The following RSPO2 variants were observed in gnomAD, a reference collection of about 807,000 sequenced individuals.
The protein encoded by RSPO2 is R-spondin-2.
RSPO2 carries 14 observed loss-of-function variants against 30.9 expected under a neutral mutation model. The observed-to-expected ratio is 0.45, with a 90% CI of 0.30 to 0.71. The LOEUF is 0.71. RSPO2 is among the 30% of genes least tolerant of loss of function. The pLI, the probability that RSPO2 is intolerant of heterozygous loss-of-function variation, is 0.08. For missense variants in RSPO2, 264 were observed against 301.9 expected (o/e 0.87, Z 0.93); for synonymous variants, 107 against 96.4 (o/e 1.11, Z -0.64).
At position 107,954,609 on chromosome 8, in the gene RSPO2, A is replaced by T. The variant is rs142531257; in HGVS notation, c.616+3471T>A. Among the ~76,000 whole-genome samples, 558 of 61,064 alleles carry T rather than the reference A, an allele frequency of 9.1e-3. 2 individuals carry two copies. Among genetic ancestry groups the T allele is most frequent in the African/African-American group, 0.017 (460 of 26,994 alleles). 40.1% of individuals were successfully genotyped at this position (61,064 alleles called of 152,430 possible). On this transcript the variant is annotated intron_variant, in intron 5 of 5. Transcript: ENST00000276659. ...CATCTTTTATTTATTTATTTATTTTATTTATTTATTTATTTATTTTGAGAC... is the reference window on the plus strand; with the variant it reads ...CATCTTTTATTTATTTATTTATTTTTTTTATTTATTTATTTATTTTGAGAC...
At chr8:107,994,389 CT>C (rs544398028) in intron 2 of RSPO2, among the ~76,000 whole-genome samples, 13 of 151,320 alleles carry the variant, frequency 8.6e-5, no homozygotes, top group African/African-American at 1.5e-4. Flanking sequence ...ATATTATTTA[CT>C]TTTTTTTTCC....
intron 2 of RSPO2, among the ~76,000 whole-genome samples, chr8:108,043,858 T>A (rs972023740): frequency 6.6e-6 from 1 of 152,128 alleles, no homozygotes; most frequent in Non-Finnish European, 1.5e-5. Flanking sequence ...GTGCAAAACA[T>A]TGTCTTAATG....
chr8:108,050,797 T>A (rs1471648955), intron 2 of RSPO2, among the ~76,000 whole-genome samples: 2 of 152,102 alleles, frequency 1.3e-5, no homozygotes, highest in Non-Finnish European at 2.9e-5. Context: ...GGGAAAGAAG[T>A]GGCCGAATAT....
intron 3 of RSPO2, 78 bp downstream of exon 3, chr8:107,988,978 T>C (rs1814747858): frequency 1.5e-6 from 2 of 1,308,258 alleles, no homozygotes; most frequent in African/African-American, 1.5e-5. Context: ...TTTAAAAAAA[T>C]CATTCAAAAT....
chr8:108,082,608 T>G lies in RSPO2; in HGVS notation c.31A>C (p.Ile11Leu), dbSNP rs148112629. The G allele has an allele frequency of 2.5e-6, 4 of 1,614,010 alleles. No homozygotes were observed. Among genetic ancestry groups the G allele is most frequent in the Middle Eastern group, 1.7e-4 (1 of 6,060 alleles). Reference sequence around the variant, plus strand: ...CTGTAATCCATGCAGTTCAGAATGATGAGGGCAAAGGAGAAAAGGCGAAAC... The same window carrying G: ...CTGTAATCCATGCAGTTCAGAATGAGGAGGGCAAAGGAGAAAAGGCGAAAC... MQFRLFSFAL[I>L]ILNCMDYSHC... The change falls in exon 2 of 6, where the codon ATC (isoleucine) becomes CTC (leucine). Residue 11 changes from isoleucine to leucine, a missense_variant. Physicochemically the swap from Ile to Leu is conservative, Grantham distance 5. Transcript: ENST00000276659.
At position 107,926,206 on chromosome 8, in the gene RSPO2, T is replaced by G. The variant is rs928690770; in HGVS notation, c.617-25016A>C. The stretch of plus-strand genomic sequence containing the variant: ...TTTTTGGCTGCATAAATGTCTTCTT[T>G]TGAGAAGTGTCTGTTCATATCATTC... On this transcript the variant is annotated intron_variant, in intron 5 of 5. Transcript: ENST00000276659. 1.1e-4 allele frequency among the ~76,000 whole-genome samples: 17 copies of G among 152,246 alleles called. 1 individual carries two copies. The highest frequency in any genetic ancestry group is 5.9e-4 in the Admixed American group (9 of 15,284).
intron 2 of RSPO2, among the ~76,000 whole-genome samples, chr8:108,001,549 G>T (rs1815249236): frequency 6.6e-6 from 1 of 152,200 alleles, no homozygotes; most frequent in Non-Finnish European, 1.5e-5. Flanking sequence ...AACTATTTAA[G>T]TGGGAAAATA....
At chr8:107,904,949 T>C (rs979380078) in intron 5 of RSPO2, among the ~76,000 whole-genome samples, 1 of 152,066 alleles carries the variant, frequency 6.6e-6, no homozygotes, top group Non-Finnish European at 1.5e-5. Context: ...ACCTATCAAC[T>C]CTTCTGCAGA....
intron 3 of RSPO2, among the ~76,000 whole-genome samples, chr8:107,986,414 T>A (rs1377621239): frequency 6.6e-6 from 1 of 152,182 alleles, no homozygotes; most frequent in East Asian, 1.9e-4. Flanking sequence ...CCCTTTCTCA[T>A]ATGCAGATTT....
At chr8:107,966,555 T>C (rs1383717773) in intron 3 of RSPO2, among the ~76,000 whole-genome samples, 2 of 152,100 alleles carry the variant, frequency 1.3e-5, no homozygotes, top group African/African-American at 4.8e-5. Context: ...GGAGTGGAGT[T>C]ATAATGAATC....
At chr8:108,057,882 C>T (rs557106279) in intron 2 of RSPO2, among the ~76,000 whole-genome samples, 1 of 152,278 alleles carries the variant, frequency 6.6e-6, no homozygotes, top group South Asian at 2.1e-4. Context: ...TGGACTGAGA[C>T]AATGGGGTTT....
At chr8:108,061,700 A>G (rs1812471566) in intron 2 of RSPO2, among the ~76,000 whole-genome samples, 1 of 151,956 alleles carries the variant, frequency 6.6e-6, no homozygotes, top group South Asian at 2.1e-4. Flanking sequence ...AGACATCTAC[A>G]GAACTCGCCA....
chr8:107,941,087 C>A (rs950434807), intron 5 of RSPO2, among the ~76,000 whole-genome samples: 6 of 151,870 alleles, frequency 4.0e-5, no homozygotes, highest in Non-Finnish European at 5.9e-5. Flanking sequence ...ACACATCTTA[C>A]CCCCCAAAAA....
intron 5 of RSPO2, among the ~76,000 whole-genome samples, chr8:107,919,865 ATAAG>A (rs1812096925): frequency 1.3e-5 from 2 of 152,186 alleles, no homozygotes; most frequent in Admixed American, 6.6e-5. Flanking sequence ...AAAAATTATA[ATAAG>A]AGTTGCAAAA....
intron 5 of RSPO2, among the ~76,000 whole-genome samples, chr8:107,957,412 G>A (rs1032656082): frequency 5.9e-5 from 9 of 152,216 alleles, no homozygotes; most frequent in South Asian, 2.1e-4. Context: ...ATTCTGCATC[G>A]GCCAGTCACC....
chr8:107,905,370 T>C (rs926125447), intron 5 of RSPO2, among the ~76,000 whole-genome samples: 5 of 152,030 alleles, frequency 3.3e-5, no homozygotes, highest in African/African-American at 1.2e-4. Flanking sequence ...TCTATATATA[T>C]ATGTATACGT....
chr8:107,989,340 G>A, intron 2 of RSPO2, 96 bp from the exon 3 acceptor site: 1 of 749,418 alleles, frequency 1.3e-6, no homozygotes, highest in Non-Finnish European at 2.1e-6. Context: ...TTTTCTTTCT[G>A]CTATACTCAC....
chr8:107,943,216 TGCGC>T (rs1328196708), intron 5 of RSPO2, among the ~76,000 whole-genome samples: 1 of 152,096 alleles, frequency 6.6e-6, no homozygotes, highest in African/African-American at 2.4e-5. Flanking sequence ...CATGCGTGCG[TGCGC>T]GCGCACACAC....
At chr8:107,935,026 A>G (rs1812670173) in intron 5 of RSPO2, among the ~76,000 whole-genome samples, 1 of 152,218 alleles carries the variant, frequency 6.6e-6, no homozygotes, top group Admixed American at 6.5e-5. Flanking sequence ...GGCATCCAAA[A>G]GGAACAGGAT....
Sources: gnomAD v4.1 joint callset for allele counts (sites outside exome capture counted in the v4.1 genomes callset) on GRCh38, gnomAD v4.1.1 for gene constraint, MANE v1.5 for transcripts, NCBI Gene and HGNC (gene_info 2026-07-23, HGNC 2026-07-21) for gene names.